LDLRAD3: variants seen among roughly 807,000 people sequenced by gnomAD.
LDLRAD3 encodes low density lipoprotein receptor class A domain containing 3, also known as low-density lipoprotein receptor class A domain-containing protein 3.
In LDLRAD3, 20 loss-of-function variants were observed where a neutral mutation model predicts 29.4. The observed-to-expected ratio is 0.68, with a 90% confidence interval of 0.48 to 0.99. The LOEUF (loss-of-function observed/expected upper bound fraction) is 0.99, where lower values mean the gene tolerates loss of function less well. LDLRAD3 is among the 50% of genes least tolerant of loss of function. The probability of loss-of-function intolerance (pLI) is 0.00; values close to 1 mark genes in which losing one functional copy is unlikely to be tolerated. For missense variants in LDLRAD3, 420 were observed against 454.3 expected (o/e 0.92, Z 0.69); for synonymous variants, 157 against 192.7 (o/e 0.81, Z 1.53).
At chr11:36,078,101 C>A (rs1269352049) in intron 2 of LDLRAD3, among the ~76,000 whole-genome samples, 2 of 152,150 alleles carry the variant, frequency 1.3e-5, no homozygotes, top group African/African-American at 4.8e-5. Flanking sequence ...GTCCTGTTGT[C>A]TCCTCAAGTC....
chr11:36,148,279 G>A (rs1565259649), intron 4 of LDLRAD3, among the ~76,000 whole-genome samples: 2 of 152,118 alleles, frequency 1.3e-5, no homozygotes, highest in African/African-American at 4.8e-5. Flanking sequence ...TCTCAACCCT[G>A]TGATCTTTGT....
chr11:36,031,236 T>C (rs1444958572), intron 1 of LDLRAD3, among the ~76,000 whole-genome samples: 3 of 152,200 alleles, frequency 2.0e-5, no homozygotes, highest in African/African-American at 4.8e-5. Flanking sequence ...CTAATGCTTG[T>C]CTTTTTTGGA....
chr11:36,156,925 AG>A (rs1854361993), intron 4 of LDLRAD3, among the ~76,000 whole-genome samples: 1 of 152,218 alleles, frequency 6.6e-6, no homozygotes, highest in Non-Finnish European at 1.5e-5. Flanking sequence ...CTGGTTGAAA[AG>A]CTGCAAATAT....
intron 2 of LDLRAD3, among the ~76,000 whole-genome samples, chr11:36,053,846 C>T (rs1852565702): frequency 6.6e-6 from 1 of 152,114 alleles, no homozygotes; most frequent in African/African-American, 2.4e-5. Flanking sequence ...TGAGCACCTC[C>T]AAGAAGTTGT....
intron 2 of LDLRAD3, among the ~76,000 whole-genome samples, chr11:36,050,950 G>C (rs1039051201): frequency 6.6e-6 from 1 of 152,122 alleles, no homozygotes; most frequent in Non-Finnish European, 1.5e-5. Context: ...GGATGCCTGA[G>C]CTCCCTTGGG....
intron 4 of LDLRAD3, among the ~76,000 whole-genome samples, chr11:36,130,339 C>T (rs1853907607): frequency 6.6e-6 from 1 of 152,104 alleles, no homozygotes; most frequent in African/African-American, 2.4e-5. Context: ...GGATAGAACT[C>T]ACAAATGAAG....
chr11:36,149,055 C>T (rs1300594455), intron 4 of LDLRAD3, among the ~76,000 whole-genome samples: 2 of 152,176 alleles, frequency 1.3e-5, no homozygotes, highest in Non-Finnish European at 2.9e-5. Flanking sequence ...GAGAGAACAC[C>T]TGGCCACAGC....
At chr11:36,145,317 G>A (rs556061798) in intron 4 of LDLRAD3, among the ~76,000 whole-genome samples, 1,422 of 96,940 alleles carry the variant, frequency 0.015, 199 homozygotes, top group Non-Finnish European at 0.02. Flanking sequence ...GCCTCTGCCC[G>A]GCCACCCCTA....
chr11:36,125,620 C>G (rs1043684265), intron 4 of LDLRAD3, among the ~76,000 whole-genome samples: 4 of 152,142 alleles, frequency 2.6e-5, no homozygotes, highest in African/African-American at 9.7e-5. Context: ...TGAGACTGCT[C>G]CATCTGAGAT....
intron 2 of LDLRAD3, among the ~76,000 whole-genome samples, chr11:36,046,777 C>T (rs755180710): frequency 2.8e-4 from 43 of 152,178 alleles, no homozygotes; most frequent in Admixed American, 2.6e-4. Context: ...ATGCTCACTG[C>T]ATTCACTTGG....
intron 4 of LDLRAD3, among the ~76,000 whole-genome samples, chr11:36,114,722 T>G (rs967460124): frequency 2.6e-5 from 4 of 152,220 alleles, no homozygotes; most frequent in Admixed American, 1.3e-4. Flanking sequence ...AGTGCCTGCC[T>G]GCCTTTCTTT....
At position 36,014,689 on chromosome 11, in the gene LDLRAD3, A is replaced by G. The variant is rs145797907; in HGVS notation, c.47-21414A>G. Among the ~76,000 whole-genome samples the G allele has an allele frequency of 8.4e-3, 1,279 of 152,304 alleles. 14 individuals are homozygous for G. The highest frequency in any genetic ancestry group is 0.015 in the Non-Finnish European group (1,026 of 68,026). On this transcript the variant is annotated intron_variant, in intron 1 of 5. Transcript: ENST00000315571. ...GACAGGGCAGTGCCTTTTTGAAAGAATTATTACGGCAGAAAAGAGGAAGAA... is the reference window on the plus strand; with the variant it reads ...GACAGGGCAGTGCCTTTTTGAAAGAGTTATTACGGCAGAAAAGAGGAAGAA...
At chr11:36,206,869 G>T (rs1212238893) in intron 4 of LDLRAD3, among the ~76,000 whole-genome samples, 1 of 151,746 alleles carries the variant, frequency 6.6e-6, no homozygotes, top group Non-Finnish European at 1.5e-5. Context: ...TGGATTACAG[G>T]CGCCCCCGCC....
At position 36,012,507 on chromosome 11, in the gene LDLRAD3, G is replaced by A. The variant is rs1022413538; in HGVS notation, c.47-23596G>A. On this transcript the variant is annotated intron_variant, in intron 1 of 5. Transcript: ENST00000315571. ...CCAGCATCACTCTTCTTGTGCTTTG[G>A]GGCCATTATTAAATAAAATTGGTTA... Among the ~76,000 whole-genome samples, 4 of 152,108 alleles carry A rather than the reference G, an allele frequency of 2.6e-5. No individual in the cohort carries two copies. The South Asian group carries it at 8.3e-4, about 32-fold the overall frequency.
In LDLRAD3 at chr11:35,945,554, G is replaced by C. The variant is rs192485118; in HGVS notation, c.46+1410G>C. On this transcript the variant is annotated intron_variant, in intron 1 of 5. Transcript: ENST00000315571. ...GGAGAGAGTTCTCACAGGACATTGGGCAGCCAGGAGCAGGTGTGAATTGTT... is the reference window on the plus strand; with the variant it reads ...GGAGAGAGTTCTCACAGGACATTGGCCAGCCAGGAGCAGGTGTGAATTGTT... Among the ~76,000 whole-genome samples the C allele has an allele frequency of 1.2e-4, 19 of 152,326 alleles. No homozygotes were observed. In the East Asian group the frequency reaches 3.5e-3, roughly 28 times the overall value.
At chr11:36,014,055 G>A (rs571273984) in intron 1 of LDLRAD3, among the ~76,000 whole-genome samples, 37 of 152,300 alleles carry the variant, frequency 2.4e-4, no homozygotes, top group African/African-American at 8.4e-4. Context: ...TGTGTGTCCT[G>A]TTGCTGAACT....
chr11:36,186,960 G>A lies in LDLRAD3; in HGVS notation c.455-40125G>A, dbSNP rs1283373305. 4.6e-5 allele frequency among the ~76,000 whole-genome samples: 7 copies of A among 152,162 alleles called. No homozygotes were observed. The South Asian group carries it at 1.2e-3, about 27-fold the overall frequency. On this transcript the variant is annotated intron_variant, in intron 4 of 5. Transcript: ENST00000315571. ...TAGTGGAGCTTGCATAAATGTGCAG[G>A]TGGTTGCCATGGCCCACAGGGGATC...
chr11:36,059,713 T>C (rs1267352175), intron 2 of LDLRAD3, among the ~76,000 whole-genome samples: 1 of 152,220 alleles, frequency 6.6e-6, no homozygotes, highest in East Asian at 1.9e-4. Flanking sequence ...AAACTACTTG[T>C]ACGGTTGCCG....
At chr11:36,031,517 C>G (rs1364734279) in intron 1 of LDLRAD3, among the ~76,000 whole-genome samples, 2 of 152,148 alleles carry the variant, frequency 1.3e-5, no homozygotes, top group East Asian at 3.9e-4. Flanking sequence ...GAACACTTGG[C>G]TTTCTTCTTA....
Sources: gnomAD v4.1 joint callset for allele counts (sites outside exome capture counted in the v4.1 genomes callset) on GRCh38, gnomAD v4.1.1 for gene constraint, MANE v1.5 for transcripts, NCBI Gene and HGNC (gene_info 2026-07-23, HGNC 2026-07-21) for gene names.